Variants in SPECC1 observed in about 807,000 individuals in gnomAD.
SPECC1 encodes the protein sperm antigen with calponin homology and coiled-coil domains 1.
In SPECC1, 62 loss-of-function variants were observed where a neutral mutation model predicts 104.1. The ratio of observed to expected loss-of-function variants is 0.60; its 90% CI spans 0.49 to 0.74. The LOEUF is 0.74. SPECC1 is among the 30% of genes least tolerant of loss of function. The pLI is 0.00. For missense variants in SPECC1, 1,306 were observed against 1,310.5 expected, an observed-to-expected ratio of 1.00 and a Z score of 0.05; for synonymous variants, 513 against 501.6, an observed-to-expected ratio of 1.02 and a Z score of -0.30.
At chr17:20,294,903 A>G (rs1415653133) in intron 12 of SPECC1, among the ~76,000 whole-genome samples, 1 of 152,110 alleles carries the variant, frequency 6.6e-6, no homozygotes, top group Non-Finnish European at 1.5e-5. Context: ...CTGTGAATGG[A>G]TTTGGGCAAC....
At chr17:20,046,179 C>G (rs1018484542) in intron 1 of SPECC1, among the ~76,000 whole-genome samples, 1 of 152,132 alleles carries the variant, frequency 6.6e-6, no homozygotes, top group African/African-American at 2.4e-5. Context: ...ACTCTGGTCT[C>G]AAGTGATCCT....
intron 3 of SPECC1, among the ~76,000 whole-genome samples, chr17:20,192,653 A>G (rs1452647084): frequency 6.6e-6 from 1 of 151,538 alleles, no homozygotes; most frequent in Admixed American, 6.6e-5. Context: ...TTTCTCTTCT[A>G]CCTCCCAGTT....
intron 12 of SPECC1, among the ~76,000 whole-genome samples, chr17:20,270,478 C>G (rs2040371032): frequency 7.4e-6 from 1 of 134,714 alleles, no homozygotes; most frequent in Non-Finnish European, 1.5e-5. Context: ...CATTAGCCGG[C>G]TACGATGGTG....
chr17:20,236,913 C>G (rs756779930), intron 7 of SPECC1: 1 of 1,613,602 alleles, frequency 6.2e-7, no homozygotes, highest in South Asian at 1.1e-5. Context: ...GACAGCCCAG[C>G]TCTTGCCATG....
At chr17:20,255,626 C>T (rs1033220900) in intron 10 of SPECC1, among the ~76,000 whole-genome samples, 5 of 152,152 alleles carry the variant, frequency 3.3e-5, no homozygotes, top group Admixed American at 1.3e-4. Flanking sequence ...AGTGCAGTGG[C>T]ATTATCATAG....
chr17:20,080,512 C>G (rs1355608475), intron 1 of SPECC1, among the ~76,000 whole-genome samples: 1 of 152,078 alleles, frequency 6.6e-6, no homozygotes, highest in Non-Finnish European at 1.5e-5. Flanking sequence ...AGAAGAGCCA[C>G]AAGTGCCCGA....
At chr17:20,110,315 A>G in intron 2 of SPECC1, 112 bp from the exon 3 acceptor site, 1 of 1,286,184 alleles carries the variant, frequency 7.8e-7, no homozygotes, top group South Asian at 1.5e-5. Context: ...AAGTGCTGTT[A>G]TTGTATCTTG....
intron 10 of SPECC1, among the ~76,000 whole-genome samples, chr17:20,255,403 A>G (rs183499240): frequency 2.0e-5 from 3 of 152,354 alleles, no homozygotes; most frequent in Non-Finnish European, 2.9e-5. Context: ...GATGACACGC[A>G]TAGTGCTAGG....
In SPECC1 at chr17:20,009,894, T is replaced by A. The variant is rs1007131757; in HGVS notation, c.-22+470T>A. On this transcript the variant is annotated intron_variant, in intron 1 of 14. Transcript: ENST00000395527. The surrounding 1 kb of genome is among the most constrained non-coding windows in gnomAD (Gnocchi z 5.2). ...GTTGTGCCTTGGGGGTGCTGCGTGGTGCAGAGGACCGAGAAGCCCTTCGCC... is the reference window on the plus strand; with the variant it reads ...GTTGTGCCTTGGGGGTGCTGCGTGGAGCAGAGGACCGAGAAGCCCTTCGCC... The A allele has an allele frequency of 5.2e-5, 8 of 152,500 alleles. No individual in the cohort carries two copies. The highest frequency in any genetic ancestry group is 1.9e-4 in the African/African-American group (8 of 41,574). 9.4% of individuals were successfully genotyped at this position (152,500 alleles called of 1,614,324 possible). A position where few individuals can be genotyped will look rare whatever the true frequency, so the allele number is the denominator to read the frequency against.
chr17:20,164,528 G>A (rs566279053), intron 3 of SPECC1, among the ~76,000 whole-genome samples: 1 of 152,072 alleles, frequency 6.6e-6, no homozygotes, highest in South Asian at 2.1e-4. Context: ...CTCTGACAGG[G>A]ACAAGGTTGG....
At chr17:20,179,712 G>GT (rs1473204540) in intron 3 of SPECC1, among the ~76,000 whole-genome samples, 1 of 152,190 alleles carries the variant, frequency 6.6e-6, no homozygotes, top group African/African-American at 2.4e-5. Context: ...ATATTCAGAT[G>GT]TCCAATTGGA....
intron 1 of SPECC1, among the ~76,000 whole-genome samples, chr17:20,030,302 CA>C (rs1370768118): frequency 6.6e-6 from 1 of 151,808 alleles, no homozygotes; most frequent in Non-Finnish European, 1.5e-5. Flanking sequence ...AGTTAGATAC[CA>C]AAATGTTATT....
chr17:20,300,178 A>T (rs553059248), intron 13 of SPECC1, among the ~76,000 whole-genome samples: 2 of 152,308 alleles, frequency 1.3e-5, no homozygotes, highest in East Asian at 3.9e-4. Context: ...ATACAGAGGG[A>T]GGACCGAGGA....
At chr17:20,087,995 A>C (rs2047242772) in intron 1 of SPECC1, among the ~76,000 whole-genome samples, 1 of 152,174 alleles carries the variant, frequency 6.6e-6, no homozygotes, top group Non-Finnish European at 1.5e-5. Flanking sequence ...AGGGAACAGC[A>C]GGGTCAGAGC....
rs1459723352 is a variant in SPECC1 at position 20,318,877 on chromosome 17, C to A, written c.*4812C>A. 1 of 196,698 alleles carries A rather than the reference C, an allele frequency of 5.1e-6. No homozygotes were observed. Among genetic ancestry groups the A allele is most frequent in the African/African-American group, 2.3e-5 (1 of 42,982 alleles). 12.2% of individuals were successfully genotyped at this position (196,698 alleles called of 1,614,324 possible). ...CTACATTAGTTGAGTGTAGTTGATA[C>A]ATCTGTGGCCTCGTGTCTATAAAGA... is the stretch of plus-strand genomic sequence containing the variant. On this transcript the variant is annotated 3_prime_UTR_variant, in exon 15 of 15. Coordinates refer to ENST00000395527, the MANE Select transcript of SPECC1 (RefSeq NM_001243439.2).
At chr17:20,058,329 C>T (rs189656026) in intron 1 of SPECC1, among the ~76,000 whole-genome samples, 6 of 152,182 alleles carry the variant, frequency 3.9e-5, no homozygotes, top group Admixed American at 2.6e-4. Flanking sequence ...GACTGTAGTG[C>T]GACTTAAAAT....
At chr17:20,023,148 G>A (rs2044462201) in intron 1 of SPECC1, among the ~76,000 whole-genome samples, 1 of 152,182 alleles carries the variant, frequency 6.6e-6, no homozygotes, top group Non-Finnish European at 1.5e-5. Flanking sequence ...GCAGGGCCGT[G>A]TGTTCCCTTG....
Position 20,047,942 on chromosome 17 carries a change from A to C in SPECC1, c.-22+38518A>C, listed in dbSNP as rs572176207. 9.2e-5 allele frequency among the ~76,000 whole-genome samples: 14 copies of C among 151,972 alleles called. No homozygotes were observed. The South Asian group carries it at 2.9e-3, about 32-fold the overall frequency. ...TTTCACTGACTTCTTCAGCAATTCC[A>C]CTTCACTTCTTACCCTTCTTCACGT... On this transcript the variant is annotated intron_variant, in intron 1 of 14. Coordinates refer to ENST00000395527, the MANE Select transcript of SPECC1 (RefSeq NM_001243439.2).
At chr17:20,147,839 C>T (rs1159367698) in intron 3 of SPECC1, among the ~76,000 whole-genome samples, 1 of 152,168 alleles carries the variant, frequency 6.6e-6, no homozygotes, top group Non-Finnish European at 1.5e-5. Flanking sequence ...AGTTCAAGGC[C>T]AGTCTGGGCA....
Sources: gnomAD v4.1 joint callset for allele counts (sites outside exome capture counted in the v4.1 genomes callset) on GRCh38, gnomAD v4.1.1 for gene constraint, Gnocchi (gnomAD v3.1) non-coding constraint, MANE v1.5 for transcripts, NCBI Gene and HGNC (gene_info 2026-07-23, HGNC 2026-07-21) for gene names.